The following CSNK2A1 variants were observed in gnomAD, a reference collection of about 807,000 sequenced individuals.
CSNK2A1 encodes casein kinase II subunit alpha.
In CSNK2A1, 10 loss-of-function variants were observed where a neutral mutation model predicts 62.9. That is an observed-to-expected ratio of 0.16 (90% confidence interval 0.10 to 0.27). The LOEUF is 0.27. Among genes scored for constraint, CSNK2A1 ranks in the 10% least tolerant of loss-of-function variants. The pLI is 1.00. For synonymous variants in CSNK2A1, 124 were observed against 167.8 expected, an observed-to-expected ratio of 0.74 and a Z score of 2.02; for missense variants, 160 against 492.0, an observed-to-expected ratio of 0.33 and a Z score of 6.38.
chr20:495,920 GAC>G, intron 7 of CSNK2A1, 118 bp from the exon 8 acceptor site: 2 of 754,492 alleles, frequency 2.7e-6, no homozygotes, highest in Non-Finnish European at 2.3e-6. Flanking sequence ...TCAAGCTGAG[GAC>G]ACAGTCACTT....
chr20:535,909 T>A (rs2019309828), intron 1 of CSNK2A1, among the ~76,000 whole-genome samples: 1 of 152,108 alleles, frequency 6.6e-6, no homozygotes, highest in Non-Finnish European at 1.5e-5. Context: ...TCTCCAAACA[T>A]ATCCCTAACA....
Position 473,471 on chromosome 20 carries a change from G to A in CSNK2A1, c.*10490C>T, listed in dbSNP as rs1421946896. 6.6e-6 allele frequency: 1 copy of A among 152,328 alleles called. No homozygotes were observed. Among genetic ancestry groups the A allele is most frequent in the Non-Finnish European group, 1.5e-5 (1 of 68,190 alleles). 9.4% of individuals were successfully genotyped at this position (152,328 alleles called of 1,614,324 possible). ...CTGTTTCATTCCCCCAGATGCAAGGGAGCTTCATCCAAGGGGGTGACAGGA... is the reference window on the plus strand; with the variant it reads ...CTGTTTCATTCCCCCAGATGCAAGGAAGCTTCATCCAAGGGGGTGACAGGA... On this transcript the variant is annotated 3_prime_UTR_variant, in exon 14 of 14. Transcript: ENST00000217244.
At chr20:526,438 C>T (rs2019091462) in intron 2 of CSNK2A1, among the ~76,000 whole-genome samples, 1 of 151,610 alleles carries the variant, frequency 6.6e-6, no homozygotes, top group Non-Finnish European at 1.5e-5. Context: ...CAGTGAGACT[C>T]CATCTCAAAA....
chr20:484,265 A>C (rs1382849395), intron 13 of CSNK2A1, among the ~76,000 whole-genome samples, 189 bp from the exon 14 acceptor site: 1 of 152,220 alleles, frequency 6.6e-6, no homozygotes, highest in Non-Finnish European at 1.5e-5. Flanking sequence ...TAATCAATTT[A>C]AGAGACAGGT....
intron 2 of CSNK2A1, among the ~76,000 whole-genome samples, chr20:525,988 T>C (rs1298154063): frequency 4.0e-5 from 6 of 151,014 alleles, no homozygotes; most frequent in African/African-American, 1.5e-4. Context: ...CTGGGCGACA[T>C]AGCAAGGCCC....
chr20:484,320 C>A (rs1276042538), intron 13 of CSNK2A1, among the ~76,000 whole-genome samples: 1 of 152,162 alleles, frequency 6.6e-6, no homozygotes, highest in Non-Finnish European at 1.5e-5. Flanking sequence ...GTCCAAAGTA[C>A]ACGATTAAGC....
chr20:518,777 G>A (rs1368636197), intron 2 of CSNK2A1, among the ~76,000 whole-genome samples: 6 of 144,718 alleles, frequency 4.1e-5, no homozygotes, highest in East Asian at 4.1e-4. Context: ...GGACGGTCTC[G>A]ATCTCCTGAC....
intron 1 of CSNK2A1, among the ~76,000 whole-genome samples, chr20:530,459 C>T (rs1280372220): frequency 6.8e-6 from 1 of 146,922 alleles, no homozygotes; most frequent in Admixed American, 6.7e-5. Context: ...AAGTTTTTCA[C>T]TTTTTTTCCT....
chr20:513,341 G>A, intron 2 of CSNK2A1, among the ~76,000 whole-genome samples: 1 of 152,202 alleles, frequency 6.6e-6, no homozygotes, highest in East Asian at 1.9e-4. Flanking sequence ...AACTGTGCTT[G>A]CAGACTGAAG....
At chr20:517,555 T>A (rs1353715264) in intron 2 of CSNK2A1, among the ~76,000 whole-genome samples, 1 of 152,122 alleles carries the variant, frequency 6.6e-6, no homozygotes, top group Non-Finnish European at 1.5e-5. Context: ...AACCCATCAT[T>A]CATTCAACAA....
At chr20:512,071 A>G (rs1013121422) in intron 2 of CSNK2A1, among the ~76,000 whole-genome samples, 1 of 152,020 alleles carries the variant, frequency 6.6e-6, no homozygotes, top group Non-Finnish European at 1.5e-5. Context: ...GCTTGTTTTT[A>G]TAGAGACAGG....
chr20:485,441 C>G (rs555008866), intron 13 of CSNK2A1, among the ~76,000 whole-genome samples: 1 of 152,090 alleles, frequency 6.6e-6, no homozygotes, highest in Non-Finnish European at 1.5e-5. Flanking sequence ...CCTCAGCCTC[C>G]CAAAGTGCTG....
At chr20:529,267 C>A (rs139223633) in intron 1 of CSNK2A1, among the ~76,000 whole-genome samples, 1 of 151,340 alleles carries the variant, frequency 6.6e-6, no homozygotes, top group Non-Finnish European at 1.5e-5. Context: ...CTCAAGCAAT[C>A]CTCCCGCCTT....
intron 2 of CSNK2A1, among the ~76,000 whole-genome samples, chr20:524,970 GC>G: frequency 6.6e-6 from 1 of 151,312 alleles, no homozygotes; most frequent in Non-Finnish European, 1.5e-5. Flanking sequence ...TTAAAAGTTA[GC>G]TAAGTATGGT....
At chr20:511,817 T>C (rs953857615) in intron 2 of CSNK2A1, among the ~76,000 whole-genome samples, 7 of 152,170 alleles carry the variant, frequency 4.6e-5, no homozygotes, top group South Asian at 2.1e-4. Flanking sequence ...GCTATGAACA[T>C]AGGTGTACAA....
chr20:504,382 T>C (rs1354728171), intron 4 of CSNK2A1: 1 of 152,226 alleles, frequency 6.6e-6, no homozygotes, highest in East Asian at 1.9e-4. Flanking sequence ...TAAGGAACTA[T>C]ATGCTAAGTT....
intron 1 of CSNK2A1, among the ~76,000 whole-genome samples, chr20:539,031 G>A (rs1204920747): frequency 2.0e-5 from 3 of 152,120 alleles, no homozygotes; most frequent in Non-Finnish European, 2.9e-5. Context: ...CCATTATTCC[G>A]TGGAGTCTTC....
chr20:522,620 T>C (rs1172919797), intron 2 of CSNK2A1, among the ~76,000 whole-genome samples: 1 of 152,228 alleles, frequency 6.6e-6, no homozygotes, highest in Non-Finnish European at 1.5e-5. Flanking sequence ...AGAAAAAGGA[T>C]ACAACTGGTA....
intron 2 of CSNK2A1, among the ~76,000 whole-genome samples, chr20:525,487 C>A (rs2019062154): frequency 6.6e-6 from 1 of 151,348 alleles, no homozygotes. Context: ...CCCGTCTCTA[C>A]TAAAAATACA....
Sources: gnomAD v4.1 joint callset for allele counts (sites outside exome capture counted in the v4.1 genomes callset) on GRCh38, gnomAD v4.1.1 for gene constraint, MANE v1.5 for transcripts, NCBI Gene and HGNC (gene_info 2026-07-23, HGNC 2026-07-21) for gene names.